PLAT: variants seen among roughly 807,000 people sequenced by gnomAD.
PLAT encodes the protein plasminogen activator, tissue type.
Under a neutral mutation model 74.9 loss-of-function variants are expected in PLAT, and 48 were observed. The ratio of observed to expected loss-of-function variants is 0.64; its 90% CI spans 0.51 to 0.82. The LOEUF is 0.82. Among genes scored for constraint, PLAT ranks in the 40% least tolerant of loss-of-function variants. PLAT has a pLI of 0.00. For synonymous variants in PLAT, 307 were observed against 294.4 expected, an observed-to-expected ratio of 1.04 and a Z score of -0.44; for missense variants, 673 against 736.2, an observed-to-expected ratio of 0.91 and a Z score of 0.99.
At chr8:42,183,964 G>C (rs1420078271) in intron 7 of PLAT, among the ~76,000 whole-genome samples, 1 of 151,652 alleles carries the variant, frequency 6.6e-6, no homozygotes, top group African/African-American at 2.4e-5. Flanking sequence ...TTATTTTGAG[G>C]CAGGATCTCA....
At chr8:42,178,840 T>A (rs1181533283) in intron 13 of PLAT, 57 bp downstream of exon 13, 18 of 1,491,970 alleles carry the variant, frequency 1.2e-5, no homozygotes, top group Non-Finnish European at 1.6e-5. Context: ...GAACCTGTTG[T>A]CCCAGGGGCA....
intron 7 of PLAT, among the ~76,000 whole-genome samples, chr8:42,183,425 G>A (rs1228306060): frequency 1.3e-5 from 2 of 152,224 alleles, no homozygotes; most frequent in Non-Finnish European, 2.9e-5. Flanking sequence ...TTCAGGTTCA[G>A]CAGGAAGAAC....
At chr8:42,176,500 C>T (rs562729575) in intron 13 of PLAT, among the ~76,000 whole-genome samples, 17 of 152,302 alleles carry the variant, frequency 1.1e-4, no homozygotes, top group Non-Finnish European at 2.1e-4. Flanking sequence ...TCCCGCCTGG[C>T]GCCCTGAGCT....
chr8:42,185,444 AG>A (rs1354178233), intron 6 of PLAT: 2 of 243,412 alleles, frequency 8.2e-6, no homozygotes, highest in Non-Finnish European at 1.6e-5. Flanking sequence ...TTGTATTTTT[AG>A]TAGAGACAGG....
At position 42,175,981 on chromosome 8, in the gene PLAT, G is replaced by A. The variant is rs778612298; in HGVS notation, c.*12C>T. ...GGATCTCATTTGCTTTTGAGGAGTC[G>A]GGTGTTCCTGGTCACGGTCGCATGT... is the stretch of plus-strand genomic sequence containing the variant. On this transcript the variant is annotated 3_prime_UTR_variant, in exon 14 of 14. Transcript: ENST00000220809. 25 of 1,613,204 alleles carry A rather than the reference G, an allele frequency of 1.5e-5. No homozygotes were observed. Among genetic ancestry groups the A allele is most frequent in the African/African-American group, 9.3e-5 (7 of 74,898 alleles).
At chr8:42,202,702 A>G (rs771036387) in intron 1 of PLAT, among the ~76,000 whole-genome samples, 11 of 152,092 alleles carry the variant, frequency 7.2e-5, no homozygotes, top group South Asian at 4.1e-4. Context: ...ATGAATAACT[A>G]GACACTCAGG....
Position 42,189,083 on chromosome 8 carries a change from G to T in PLAT, c.116-12C>A. On this transcript the variant is annotated splice_polypyrimidine_tract_variant and intron_variant, in intron 3 of 13. Coordinates refer to ENST00000220809, the MANE Select transcript of PLAT (RefSeq NM_000930.5). ...ATCTCTGCAGATCACTATGAGAAAA[G>T]ACAGGCCAGCCTCATCAGAGTATGA... 1 of 1,611,040 alleles carries T rather than the reference G, an allele frequency of 6.2e-7. No homozygotes were observed. The highest frequency in any genetic ancestry group is 8.5e-7 in the Non-Finnish European group (1 of 1,177,514).
chr8:42,185,113 G>C lies in PLAT; in HGVS notation c.599C>G (p.Ser200Ter), dbSNP rs777062125. ...GCAGGCAGGGGTGCTGCAGAACTCT[G>C]AGCTGTACTTCCCCGCCTTAAAGAC... is the stretch of plus-strand genomic sequence containing the variant. ...CYVFKAGKYS[S>*]EFCSTPACSE... The change falls in exon 7 of 14, where the codon TCA (serine) becomes TGA (stop). Residue 200 changes from serine (S) to a stop codon, truncating the protein, a stop_gained. Coordinates refer to ENST00000220809, the MANE Select transcript of PLAT (RefSeq NM_000930.5). LOFTEE classifies it high-confidence loss of function. The C allele has an allele frequency of 6.2e-7, 1 of 1,612,152 alleles. No homozygotes were observed. The highest frequency in any genetic ancestry group is 8.5e-7 in the Non-Finnish European group (1 of 1,179,256).
Position 42,198,452 on chromosome 8 carries a change from A to C in PLAT, c.-26-5241T>G, listed in dbSNP as rs532320227. Among the ~76,000 whole-genome samples, 161 of 152,238 alleles carry C rather than the reference A, an allele frequency of 1.1e-3. 1 individual carries two copies. Among genetic ancestry groups the C allele is most frequent in the Non-Finnish European group, 1.9e-3 (131 of 68,036 alleles). On this transcript the variant is annotated intron_variant, in intron 1 of 13. Transcript: ENST00000220809. ...AGTTGCAGTGAGCCAAGATTGCGCT[A>C]CTGCAGCCTGGGCGACAGAGCAGGA...
intron 13 of PLAT, among the ~76,000 whole-genome samples, chr8:42,176,461 A>G (rs1032911432): frequency 3.3e-5 from 5 of 152,208 alleles, no homozygotes; most frequent in Non-Finnish European, 5.9e-5. Context: ...TGGCTCTGCA[A>G]TAGGATGGTG....
intron 4 of PLAT, 147 bp downstream of exon 4, chr8:42,188,787 T>A (rs1450064574): frequency 2.9e-6 from 2 of 683,850 alleles, no homozygotes; most frequent in Admixed American, 4.6e-5. Flanking sequence ...CAGGTCTGGC[T>A]AATTTTTTTA....
chr8:42,184,413 G>A (rs1192031152), intron 7 of PLAT, among the ~76,000 whole-genome samples: 1 of 152,112 alleles, frequency 6.6e-6, no homozygotes, highest in Non-Finnish European at 1.5e-5. Context: ...AGGCTGGAGT[G>A]CAGTGGCATG....
intron 13 of PLAT, among the ~76,000 whole-genome samples, chr8:42,176,642 T>A (rs1181935517): frequency 6.6e-6 from 1 of 152,246 alleles, no homozygotes; most frequent in Non-Finnish European, 1.5e-5. Flanking sequence ...CATGATAAAC[T>A]GTGAGGTGTG....
chr8:42,193,249 G>T, intron 1 of PLAT, 38 bp from the exon 2 acceptor site: 1 of 1,340,954 alleles, frequency 7.5e-7, no homozygotes, highest in South Asian at 1.2e-5. Flanking sequence ...CACGGGGTGC[G>T]AGAGGTCCAT....
At chr8:42,177,932 T>C (rs934318275) in intron 13 of PLAT, among the ~76,000 whole-genome samples, 3 of 152,146 alleles carry the variant, frequency 2.0e-5, no homozygotes, top group African/African-American at 4.8e-5. Context: ...CCCCAGCCCC[T>C]AAAGGAGAGC....
intron 6 of PLAT, 97 bp downstream of exon 6, chr8:42,187,301 A>T: frequency 2.9e-6 from 3 of 1,029,148 alleles, no homozygotes; most frequent in East Asian, 5.0e-5. Context: ...TGTATTGGTT[A>T]TGTTTCTTGG....
intron 1 of PLAT, among the ~76,000 whole-genome samples, chr8:42,205,221 T>C (rs991024341): frequency 6.6e-6 from 1 of 152,108 alleles, no homozygotes; most frequent in East Asian, 2.0e-4. Context: ...TCTGCCCTAT[T>C]GTTTTTGTAA....
chr8:42,193,213 T>G lies in PLAT; in HGVS notation c.-26-2A>C. 1 of 1,600,244 alleles carries G rather than the reference T, an allele frequency of 6.2e-7. No homozygotes were observed. The highest frequency in any genetic ancestry group is 8.6e-7 in the Non-Finnish European group (1 of 1,167,730). ...TTGCTTCACAGCGTCCCTTAAATTCTGGAAGGAGAGAAAAAACAGCTTGAT... is the reference window on the plus strand; with the variant it reads ...TTGCTTCACAGCGTCCCTTAAATTCGGGAAGGAGAGAAAAAACAGCTTGAT... On this transcript the variant is annotated splice_acceptor_variant, in intron 1 of 13. Transcript: ENST00000220809. LOFTEE classifies it low-confidence loss of function (5UTR_SPLICE).
intron 3 of PLAT, among the ~76,000 whole-genome samples, chr8:42,190,804 G>T (rs1805652917): frequency 6.6e-6 from 1 of 152,218 alleles, no homozygotes; most frequent in Non-Finnish European, 1.5e-5. Context: ...TCTAGATGTG[G>T]ACTTAGAGAC....
Sources: gnomAD v4.1 joint callset for allele counts (sites outside exome capture counted in the v4.1 genomes callset) on GRCh38, gnomAD v4.1.1 for gene constraint, MANE v1.5 for transcripts, NCBI Gene and HGNC (gene_info 2026-07-23, HGNC 2026-07-21) for gene names.